The following STARD13 variants were observed in gnomAD, a reference collection of about 807,000 sequenced individuals.
The protein encoded by STARD13 is stAR-related lipid transfer protein 13.
Under a neutral mutation model 106.4 loss-of-function variants are expected in STARD13, and 62 were observed. The ratio of observed to expected loss-of-function variants is 0.58; its 90% confidence interval spans 0.48 to 0.72. STARD13 has a LOEUF of 0.72. STARD13 is among the 30% of genes least tolerant of loss of function. The pLI is 0.00. For synonymous variants in STARD13, 565 were observed against 553.0 expected, an observed-to-expected ratio of 1.02 and a Z score of -0.31; for missense variants, 1,387 against 1,424.0, an observed-to-expected ratio of 0.97 and a Z score of 0.42.
chr13:33,178,881 G>A (rs1288225943), intron 1 of STARD13, among the ~76,000 whole-genome samples: 1 of 152,162 alleles, frequency 6.6e-6, no homozygotes, highest in Non-Finnish European at 1.5e-5. Flanking sequence ...ATGACTAAAT[G>A]AATATCTGGA....
At chr13:33,162,306 C>T (rs893092884) in intron 3 of STARD13, among the ~76,000 whole-genome samples, 1 of 152,194 alleles carries the variant, frequency 6.6e-6, no homozygotes, top group African/African-American at 2.4e-5. Context: ...GTTTTTCCTC[C>T]TAGACTTCCA....
the STARD13 span, among the ~76,000 whole-genome samples, chr13:33,374,925 G>T: frequency 1.3e-5 from 2 of 151,958 alleles, no homozygotes; most frequent in African/African-American, 4.8e-5. Context: ...TTGCTAATAG[G>T]CCCCCTATTA....
the STARD13 span, among the ~76,000 whole-genome samples, chr13:33,640,905 T>C: frequency 2.0e-5 from 3 of 152,252 alleles, no homozygotes; most frequent in East Asian, 3.8e-4. Flanking sequence ...GTCACTGATA[T>C]GAGGCACATG....
intron 3 of STARD13, among the ~76,000 whole-genome samples, chr13:33,144,514 G>T (rs958952925): frequency 5.9e-5 from 9 of 152,082 alleles, no homozygotes; most frequent in Non-Finnish European, 1.0e-4. Flanking sequence ...TTCTCACGTC[G>T]CTCACCGACT....
rs1056532423 is a variant in STARD13, at chr13:33,350,452, C to T, written c.-39G>A. The stretch of plus-strand genomic sequence containing the variant: ...TCATAACGACCGGCGGGCTCTCCAC[C>T]GCCACTCCCGCGTGGCCCGCGACTC... On this transcript the variant is annotated 5_prime_UTR_variant, in exon 1 of 2. Coordinates refer to the STARD13 transcript ENST00000439831. 49 of 1,514,098 alleles carry T rather than the reference C, an allele frequency of 3.2e-5. No homozygotes were observed. In the African/African-American group the frequency reaches 6.0e-4, roughly 19 times the overall value. 93.8% of individuals were successfully genotyped at this position (1,514,098 alleles called of 1,614,324 possible).
intron 4 of STARD13, among the ~76,000 whole-genome samples, chr13:33,136,503 T>C (rs948608778): frequency 3.9e-5 from 6 of 152,200 alleles, no homozygotes. Context: ...CATGTTTTCC[T>C]CTGATTGATC....
the STARD13 span, among the ~76,000 whole-genome samples, chr13:33,418,942 G>A: frequency 6.6e-6 from 1 of 152,088 alleles, no homozygotes; most frequent in Admixed American, 6.6e-5. Context: ...GACATCCATA[G>A]CAAAACCCCA....
At chr13:33,458,927 T>A in the STARD13 span, among the ~76,000 whole-genome samples, 1 of 151,320 alleles carries the variant, frequency 6.6e-6, no homozygotes, top group Non-Finnish European at 1.5e-5. Context: ...TTCAAGTAAT[T>A]CTCCTGCCTC....
intron 1 of STARD13, among the ~76,000 whole-genome samples, chr13:33,222,261 A>T (rs563472111): frequency 6.6e-6 from 1 of 152,308 alleles, no homozygotes; most frequent in South Asian, 2.1e-4. Flanking sequence ...TACCTAGAGA[A>T]GTCAAACTCA....
intron 3 of STARD13, among the ~76,000 whole-genome samples, chr13:33,144,981 G>A (rs1465354905): frequency 6.6e-6 from 1 of 152,128 alleles, no homozygotes; most frequent in Non-Finnish European, 1.5e-5. Flanking sequence ...GACACATGCA[G>A]GAAGTTTATT....
chr13:33,259,331 T>C (rs1768331361), intron 1 of STARD13, among the ~76,000 whole-genome samples: 1 of 152,166 alleles, frequency 6.6e-6, no homozygotes, highest in Non-Finnish European at 1.5e-5. Flanking sequence ...TTGGTAGAAA[T>C]TAAAAATTAA....
At chr13:33,605,118 A>G in the STARD13 span, among the ~76,000 whole-genome samples, 16 of 151,718 alleles carry the variant, frequency 1.1e-4, no homozygotes, top group African/African-American at 3.4e-4. Flanking sequence ...GTGAGCCTGT[A>G]GTCCCAGCTA....
the STARD13 span, among the ~76,000 whole-genome samples, chr13:33,532,410 A>G: frequency 6.6e-6 from 1 of 152,164 alleles, no homozygotes; most frequent in African/African-American, 2.4e-5. Flanking sequence ...TCTTGATATT[A>G]TAATTCTGGG....
chr13:33,568,721 A>G, the STARD13 span, among the ~76,000 whole-genome samples: 1 of 148,348 alleles, frequency 6.7e-6, no homozygotes, highest in Non-Finnish European at 1.5e-5. Context: ...TTATTTATTC[A>G]GTATATTTAT....
chr13:33,520,143 G>C, the STARD13 span: 1 of 152,140 alleles, frequency 6.6e-6, no homozygotes, highest in African/African-American at 2.4e-5. Flanking sequence ...CATGTGATCA[G>C]TAAAGGCTAT....
intron 1 of STARD13, among the ~76,000 whole-genome samples, chr13:33,170,466 C>T (rs1035712068): frequency 1.2e-4 from 18 of 152,160 alleles, no homozygotes; most frequent in Admixed American, 8.5e-4. Flanking sequence ...GGATAACGAA[C>T]TGAAATCCTA....
chr13:33,127,516 C>A lies in STARD13; in HGVS notation c.1779G>T (p.Ser593=). Residue 593 remains serine, a synonymous_variant, in exon 6 of 14, where the codon TCG becomes TCT. Coordinates refer to ENST00000336934, the MANE Select transcript of STARD13 (RefSeq NM_178006.4). ...RRLRWNSFQL[S]HQPRPAPASP... ...ATGCTGGGGCCGGCCGGGGCTGGTG[C>A]GACAGCTGGAAACTGTTCCATCGGA... The A allele has an allele frequency of 6.4e-7, 1 of 1,565,096 alleles. No homozygotes were observed. Among genetic ancestry groups the A allele is most frequent in the Non-Finnish European group, 8.6e-7 (1 of 1,162,736 alleles).
intron 5 of STARD13, among the ~76,000 whole-genome samples, chr13:33,128,208 CAG>C (rs151171071): frequency 6.7e-5 from 10 of 149,464 alleles, no homozygotes; most frequent in Non-Finnish European, 7.4e-5. Context: ...GAGCAAGAAA[CAG>C]AGAGAGAGAG....
chr13:33,160,072 C>A (rs530769541), intron 3 of STARD13, among the ~76,000 whole-genome samples: 1 of 152,180 alleles, frequency 6.6e-6, no homozygotes, highest in African/African-American at 2.4e-5. Context: ...ATATTGCATT[C>A]CAGGACTTAC....
Sources: gnomAD v4.1 joint callset for allele counts (sites outside exome capture counted in the v4.1 genomes callset) on GRCh38, gnomAD v4.1.1 for gene constraint, MANE v1.5 for transcripts, NCBI Gene and HGNC (gene_info 2026-07-23, HGNC 2026-07-21) for gene names.